HPSE2: variants seen among roughly 807,000 people sequenced by gnomAD.
HPSE2 encodes heparanase 2 (inactive).
HPSE2 carries 38 observed loss-of-function variants against 60.5 expected under a neutral mutation model. The ratio of observed to expected loss-of-function variants is 0.63; its 90% CI spans 0.48 to 0.82. The LOEUF (loss-of-function observed/expected upper bound fraction) is 0.82. HPSE2 is among the 40% of genes least tolerant of loss of function. The pLI is 0.00. For missense variants in HPSE2, 713 were observed against 740.4 expected, an observed-to-expected ratio of 0.96 and a Z score of 0.43; for synonymous variants, 295 against 293.2, an observed-to-expected ratio of 1.01 and a Z score of -0.06.
At chr10:98,725,766 C>A (rs954708432) in intron 4 of HPSE2, among the ~76,000 whole-genome samples, 6 of 152,080 alleles carry the variant, frequency 3.9e-5, no homozygotes, top group Non-Finnish European at 8.8e-5. Context: ...TATCCAGAAT[C>A]TACAATGAAC....
At chr10:99,168,989 T>C (rs1295189380) in intron 2 of HPSE2, among the ~76,000 whole-genome samples, 2 of 150,802 alleles carry the variant, frequency 1.3e-5, no homozygotes, top group African/African-American at 2.4e-5. Flanking sequence ...GGTCAGGAGA[T>C]CGAGACCATC....
chr10:99,314,540 A>G, the HPSE2 span, among the ~76,000 whole-genome samples: 1 of 152,238 alleles, frequency 6.6e-6, no homozygotes, highest in East Asian at 1.9e-4. Context: ...ACTACAATAT[A>G]GTGTAAACAT....
chr10:99,310,919 C>A, the HPSE2 span, among the ~76,000 whole-genome samples: 10 of 152,096 alleles, frequency 6.6e-5, no homozygotes, highest in African/African-American at 2.4e-4. Context: ...ATGAGCCACC[C>A]ATCATCCATT....
At chr10:98,650,180 T>C (rs1024947700) in intron 6 of HPSE2, among the ~76,000 whole-genome samples, 1 of 152,204 alleles carries the variant, frequency 6.6e-6, no homozygotes, top group African/African-American at 2.4e-5. Flanking sequence ...GTCTTCTTAG[T>C]AGTGTCTGTC....
chr10:98,488,587 T>C (rs1476446492), intron 10 of HPSE2, among the ~76,000 whole-genome samples: 2 of 152,194 alleles, frequency 1.3e-5, no homozygotes, highest in Admixed American at 6.5e-5. Context: ...CCCCAAGTCC[T>C]CAGATTAGCG....
chr10:99,248,555 G>A, the HPSE2 span, among the ~76,000 whole-genome samples: 1 of 152,222 alleles, frequency 6.6e-6, no homozygotes, highest in East Asian at 1.9e-4. Context: ...AGGTGTAAAA[G>A]TTTGGAAATT....
chr10:99,169,638 GA>G (rs1295093047), intron 2 of HPSE2, among the ~76,000 whole-genome samples: 2 of 149,272 alleles, frequency 1.3e-5, no homozygotes, highest in African/African-American at 4.9e-5. Flanking sequence ...GAATATTTAA[GA>G]GGGAGTTATC....
upstream of HPSE2, among the ~76,000 whole-genome samples, chr10:99,236,295 C>T (rs1170105542): frequency 6.6e-6 from 1 of 152,018 alleles, no homozygotes; most frequent in African/African-American, 2.4e-5. Flanking sequence ...GGGTACAGAG[C>T]AAAGGGTCTC....
intron 2 of HPSE2, among the ~76,000 whole-genome samples, chr10:99,163,525 A>G (rs1048282806): frequency 2.0e-5 from 3 of 152,200 alleles, no homozygotes; most frequent in Non-Finnish European, 4.4e-5. Context: ...CATCATATGA[A>G]TAAAAAACAT....
At chr10:98,576,816 CTATTGGAT>C (rs1944653015) in intron 9 of HPSE2, among the ~76,000 whole-genome samples, 1 of 151,684 alleles carries the variant, frequency 6.6e-6, no homozygotes, top group African/African-American at 2.4e-5. Context: ...TCTCTATAGT[CTATTGGAT>C]TTTCAATTGC....
intron 2 of HPSE2, among the ~76,000 whole-genome samples, chr10:99,216,671 T>C (rs907947758): frequency 6.6e-6 from 1 of 152,354 alleles, no homozygotes. Flanking sequence ...ATCATTTTTT[T>C]CCACTAAAGT....
chr10:99,115,668 TA>T (rs1376560642), intron 3 of HPSE2, among the ~76,000 whole-genome samples: 2 of 152,182 alleles, frequency 1.3e-5, no homozygotes, highest in East Asian at 3.8e-4. Context: ...TTTGTAATTA[TA>T]ACCTTTTTCC....
intron 2 of HPSE2, among the ~76,000 whole-genome samples, chr10:99,207,305 G>T (rs1466579355): frequency 6.6e-6 from 1 of 152,134 alleles, no homozygotes; most frequent in African/African-American, 2.4e-5. Context: ...ACCCAGCAAA[G>T]CTGCCTTTCC....
At chr10:98,770,583 C>G (rs2134418064) in intron 3 of HPSE2, among the ~76,000 whole-genome samples, 1 of 152,228 alleles carries the variant, frequency 6.6e-6, no homozygotes, top group Admixed American at 6.5e-5. Flanking sequence ...GGCTTGAGGA[C>G]TCCCCATGAG....
intron 3 of HPSE2, among the ~76,000 whole-genome samples, chr10:98,871,380 T>C (rs984294196): frequency 1.3e-5 from 2 of 152,028 alleles, no homozygotes; most frequent in Non-Finnish European, 2.9e-5. Context: ...CAGAACCAGA[T>C]GCTTTTCTTT....
intron 9 of HPSE2, among the ~76,000 whole-genome samples, chr10:98,562,525 G>T (rs1944217011): frequency 6.6e-6 from 1 of 151,866 alleles, no homozygotes; most frequent in African/African-American, 2.4e-5. Flanking sequence ...GACCATCCTG[G>T]CTAACAAGGT....
intron 3 of HPSE2, among the ~76,000 whole-genome samples, chr10:99,087,805 T>G (rs773759073): frequency 6.6e-6 from 1 of 152,146 alleles, no homozygotes; most frequent in African/African-American, 2.4e-5. Context: ...ACAGGAAGTT[T>G]TATTTCACGG....
intron 9 of HPSE2, among the ~76,000 whole-genome samples, chr10:98,572,463 C>A (rs1283356126): frequency 6.6e-6 from 1 of 152,012 alleles, no homozygotes; most frequent in Non-Finnish European, 1.5e-5. Context: ...ATTTTCTCTC[C>A]TTCCTGACCT....
chr10:98,684,088 A>G (rs911181550), intron 6 of HPSE2, among the ~76,000 whole-genome samples: 1 of 152,188 alleles, frequency 6.6e-6, no homozygotes, highest in African/African-American at 2.4e-5. Flanking sequence ...CCTCTCATTT[A>G]TCTTTTCTCA....
Sources: allele counts gnomAD v4.1 joint callset (sites outside exome capture counted in the v4.1 genomes callset), GRCh38; gene constraint gnomAD v4.1.1; transcripts MANE v1.5; gene names NCBI Gene and HGNC (gene_info 2026-07-23, HGNC 2026-07-21).